The following STAB1 variants were observed in gnomAD, a reference collection of about 807,000 sequenced individuals.
STAB1 encodes the protein stabilin-1.
A neutral mutation model predicts 332.4 loss-of-function variants in STAB1; 250 were observed. That is an observed-to-expected ratio of 0.75 (90% confidence interval 0.68 to 0.84). STAB1 has a LOEUF of 0.84. Among genes scored for constraint, STAB1 ranks in the 40% least tolerant of loss-of-function variants. STAB1 has a pLI of 0.00. For missense variants in STAB1, 3,249 were observed against 3,489.7 expected (o/e 0.93, Z 1.74); for synonymous variants, 1,475 against 1,390.4 (o/e 1.06, Z -1.35).
In STAB1 at chr3:52,505,348, C is replaced by T. The variant is rs563295438; in HGVS notation, c.1548C>T (p.Thr516=). 2.5e-5 allele frequency: 40 copies of T among 1,613,532 alleles called. No homozygotes were observed. Among genetic ancestry groups the T allele is most frequent in the South Asian group, 2.2e-4 (20 of 91,082 alleles). ...CTATCGGACAGATCCTCGCCTCTAC[C>T]GAGGCCTTCAGCCGCTTTGAAACCA... ...KRTIGQILAS[T]EAFSRFETIL... Residue 516 remains threonine (T), a synonymous_variant, in exon 14 of 69, where the codon ACC becomes ACT. Coordinates refer to ENST00000321725, the MANE Select transcript of STAB1 (RefSeq NM_015136.3).
Position 52,512,381 on chromosome 3 carries a change from C to T in STAB1, c.2924C>T (p.Thr975Met), listed in dbSNP as rs781481796. 5.6e-6 allele frequency: 9 copies of T among 1,611,438 alleles called. No individual in the cohort carries two copies. Among genetic ancestry groups the T allele is most frequent in the East Asian group, 4.5e-5 (2 of 44,882 alleles). Residue 975 changes from threonine to methionine, a missense_variant, in exon 27 of 69, where the codon ACG becomes ATG. Coordinates refer to ENST00000321725, the MANE Select transcript of STAB1 (RefSeq NM_015136.3). ...RAVGGGQRVC[T>M]CPPGFGGDGF... Reference sequence around the variant, plus strand: ...GTGGGGGGAGGTCAGCGGGTCTGCACGTGCCCCCCTGGCTTTGGGGGTGAT... The same window carrying T: ...GTGGGGGGAGGTCAGCGGGTCTGCATGTGCCCCCCTGGCTTTGGGGGTGAT...
In STAB1 at chr3:52,505,010, CCTA is replaced by C; in HGVS notation, c.1387_1389del (p.Tyr463del). ...CCTCTTGTGTCTCACCAGAAATACT[CCTA>C]CAAGTACAAAGACCAGCCCCAGCAG... On this transcript the variant is annotated inframe_deletion, in exon 13 of 69. Transcript: ENST00000321725. The C allele has an allele frequency of 1.9e-6, 3 of 1,613,748 alleles. No individual in the cohort carries two copies. Among genetic ancestry groups the C allele is most frequent in the Non-Finnish European group, 2.5e-6 (3 of 1,179,958 alleles).
chr3:52,519,000 T>G (rs1464889358), intron 48 of STAB1, 131 bp downstream of exon 48: 1 of 1,202,208 alleles, frequency 8.3e-7, no homozygotes, highest in Non-Finnish European at 1.1e-6. Flanking sequence ...TCCTGCTGAG[T>G]CCAGCCCGGG....
chr3:52,518,711 A>T lies in STAB1; in HGVS notation c.4888-12A>T. 1 of 1,611,574 alleles carries T rather than the reference A, an allele frequency of 6.2e-7. No homozygotes were observed. Among genetic ancestry groups the T allele is most frequent in the Non-Finnish European group, 8.5e-7 (1 of 1,179,330 alleles). On this transcript the variant is annotated splice_polypyrimidine_tract_variant and intron_variant, in intron 47 of 68. Coordinates refer to ENST00000321725, the MANE Select transcript of STAB1 (RefSeq NM_015136.3). Reference sequence around the variant, plus strand: ...AGTCAGGGACCCCACTCCCCTCGCGACTCTGCTCCAGGATGAGCTGGCCCG... The same window carrying T: ...AGTCAGGGACCCCACTCCCCTCGCGTCTCTGCTCCAGGATGAGCTGGCCCG...
In STAB1 at chr3:52,505,018, T is replaced by C; in HGVS notation, c.1393T>C (p.Tyr465His). 6.2e-7 allele frequency: 1 copy of C among 1,613,702 alleles called. No individual in the cohort carries two copies. Among genetic ancestry groups the C allele is most frequent in the African/African-American group, 1.3e-5 (1 of 74,982 alleles). Residue 465 changes from tyrosine to histidine, a missense_variant, in exon 13 of 69, where the codon TAC becomes CAC. Coordinates refer to ENST00000321725, the MANE Select transcript of STAB1 (RefSeq NM_015136.3). ...FNQFTKYSYK[Y>H]KDQPQQTFNI... ...GTCTCACCAGAAATACTCCTACAAG[T>C]ACAAAGACCAGCCCCAGCAGACGTT...
In STAB1 at chr3:52,514,162, C is replaced by A. The variant is rs1433450338; in HGVS notation, c.3495C>A (p.Ile1165=). Reference sequence around the variant, plus strand: ...TTGAGGCTGCCACTGCCTACACCATCTTTGTGCCCACCAACCGCTCCCTGG... The same window carrying A: ...TTGAGGCTGCCACTGCCTACACCATATTTGTGCCCACCAACCGCTCCCTGG... ...PQIEAATAYT[I]FVPTNRSLEA... is the part of the protein sequence containing the mutation. The change falls in exon 33 of 69, where the codon ATC becomes ATA. Residue 1165 remains isoleucine, a synonymous_variant. Coordinates refer to ENST00000321725, the MANE Select transcript of STAB1 (RefSeq NM_015136.3). 1 of 1,613,454 alleles carries A rather than the reference C, an allele frequency of 6.2e-7. No individual in the cohort carries two copies. Among genetic ancestry groups the A allele is most frequent in the East Asian group, 2.2e-5 (1 of 44,882 alleles).
intron 19 of STAB1, 86 bp from the exon 20 acceptor site, chr3:52,507,845 G>T: frequency 6.8e-7 from 1 of 1,470,132 alleles, no homozygotes; most frequent in South Asian, 1.2e-5. Flanking sequence ...GACCCAGGGG[G>T]CAGAGGTCCC....
In STAB1 at chr3:52,505,348, C is replaced by G. The variant is rs563295438; in HGVS notation, c.1548C>G (p.Thr516=). The G allele has an allele frequency of 1.3e-5, 21 of 1,613,652 alleles. No individual in the cohort carries two copies. In the African/African-American group the frequency reaches 2.0e-4, roughly 15 times the overall value. Residue 516 remains threonine (T), a synonymous_variant, in exon 14 of 69, where the codon ACC becomes ACG. Transcript: ENST00000321725. ...CTATCGGACAGATCCTCGCCTCTAC[C>G]GAGGCCTTCAGCCGCTTTGAAACCA... ...KRTIGQILAS[T]EAFSRFETIL... is the part of the protein sequence containing the mutation.
In STAB1 at chr3:52,513,116, C is replaced by A; in HGVS notation, c.3159-14C>A. 2 of 1,558,256 alleles carry A rather than the reference C, an allele frequency of 1.3e-6. No individual in the cohort carries two copies. The highest frequency in any genetic ancestry group is 1.7e-6 in the Non-Finnish European group (2 of 1,150,782). On this transcript the variant is annotated splice_polypyrimidine_tract_variant and intron_variant, in intron 29 of 68. Coordinates refer to ENST00000321725, the MANE Select transcript of STAB1 (RefSeq NM_015136.3). ...AACCTGATTCCATGACCCCCCTAAA[C>A]TGTGCCCTGTCAGGGCCCATTTTCT...
rs772697863 is a variant in STAB1, at chr3:52,504,724, G to A, written c.1240-15G>A. Reference sequence around the variant, plus strand: ...GGCCCCCCGGCTCACTTTGCTCCCCGCCTTGCGTCTGCAGGCATCCCTTGC... The same window carrying A: ...GGCCCCCCGGCTCACTTTGCTCCCCACCTTGCGTCTGCAGGCATCCCTTGC... On this transcript the variant is annotated splice_polypyrimidine_tract_variant and intron_variant, in intron 11 of 68. Transcript: ENST00000321725. The A allele has an allele frequency of 7.4e-6, 12 of 1,613,586 alleles. No individual in the cohort carries two copies. The highest frequency in any genetic ancestry group is 1.7e-5 in the Admixed American group (1 of 60,026).
At chr3:52,496,399 A>G (rs1284209462) in intron 1 of STAB1, among the ~76,000 whole-genome samples, 1 of 152,238 alleles carries the variant, frequency 6.6e-6, no homozygotes, top group African/African-American at 2.4e-5. Flanking sequence ...AGATGGCCAG[A>G]CTAAAGTCCA....
intron 2 of STAB1, 139 bp downstream of exon 2, chr3:52,501,441 A>G: frequency 7.3e-7 from 1 of 1,366,346 alleles, no homozygotes; most frequent in Non-Finnish European, 1.0e-6. Flanking sequence ...GGTGGTGGAG[A>G]TAGGCGGGGA....
Position 52,523,644 on chromosome 3 carries a change from C to T in STAB1, c.7291-8C>T. On this transcript the variant is annotated splice_polypyrimidine_tract_variant and splice_region_variant and intron_variant, in intron 65 of 68. Coordinates refer to ENST00000321725, the MANE Select transcript of STAB1 (RefSeq NM_015136.3). ...CTCACAGTGGGCCTGACTCTGGTCT[C>T]CCTGCAGGCCCCAGGGACAGTTGTG... is the stretch of plus-strand genomic sequence containing the variant. The T allele has an allele frequency of 6.2e-7, 1 of 1,612,930 alleles. No individual in the cohort carries two copies. The highest frequency in any genetic ancestry group is 8.5e-7 in the Non-Finnish European group (1 of 1,180,016).
In STAB1 at chr3:52,514,488, A is replaced by C; in HGVS notation, c.3670A>C (p.Ser1224Arg). Residue 1224 changes from serine (S) to arginine (R), a missense_variant, in exon 34 of 69, where the codon AGT becomes CGT. Coordinates refer to ENST00000321725, the MANE Select transcript of STAB1 (RefSeq NM_015136.3). ...CCACTGGATCGTCTTCTACAACCAC[A>C]GTGGCCAGGTTTGGGGGTCAGGGAG... ...PAHWIVFYNHSGQPEVNHVPL... is the reference protein window; with the variant it reads ...PAHWIVFYNHRGQPEVNHVPL... 2 of 1,525,376 alleles carry C rather than the reference A, an allele frequency of 1.3e-6. No individual in the cohort carries two copies. Among genetic ancestry groups the C allele is most frequent in the Non-Finnish European group, 1.8e-6 (2 of 1,137,104 alleles). The allele number at this position is 1,525,376 out of a possible 1,614,324, so 94.5% of individuals were successfully genotyped here.
rs1437396119 is a variant in STAB1, at chr3:52,518,819, G to C, written c.4984G>C (p.Gly1662Arg). 1 of 1,610,410 alleles carries C rather than the reference G, an allele frequency of 6.2e-7. No individual in the cohort carries two copies. Among genetic ancestry groups the C allele is most frequent in the East Asian group, 2.2e-5 (1 of 44,856 alleles). ...GCGGAGCGAGGACCTGCTGGAGCAG[G>C]GGTACGCCACGGCCCTCTCAGGGCA... Reference protein sequence around the residue: ...RLRSEDLLEQGYATALSGHPL... With the variant: ...RLRSEDLLEQRYATALSGHPL... Residue 1662 changes from glycine to arginine, a missense_variant, in exon 48 of 69, where the codon GGG (glycine) becomes CGG (arginine). By Grantham distance (125) the Gly-to-Arg change is moderately radical. Transcript: ENST00000321725.
At position 52,520,274 on chromosome 3, in the gene STAB1, G is replaced by A. The variant is rs2153234088; in HGVS notation, c.5483G>A (p.Cys1828Tyr). The change falls in exon 52 of 69, where the codon TGC becomes TAC. Residue 1828 changes from cysteine (C) to tyrosine (Y), a missense_variant. Cys to Tyr is a radical substitution (Grantham distance 194). Coordinates refer to ENST00000321725, the MANE Select transcript of STAB1 (RefSeq NM_015136.3). ...TMHGTPISFS[C>Y]SRTRAGELMV... ...CATGGGACCCCCATCTCTTTCTCCT[G>A]CAGCCGAACGCGGGCCGTGAGTCTG... 6.2e-7 allele frequency: 1 copy of A among 1,613,110 alleles called. No homozygotes were observed. Among genetic ancestry groups the A allele is most frequent in the East Asian group, 2.2e-5 (1 of 44,888 alleles).
At chr3:52,519,612 A>C (rs186689880) in intron 50 of STAB1, 48 bp downstream of exon 50, 6 of 370,880 alleles carry the variant, frequency 1.6e-5, no homozygotes, top group Admixed American at 1.1e-4. Context: ...ATGCACGTGT[A>C]AGTGTGTGCA....
chr3:52,502,046 G>T lies in STAB1; in HGVS notation c.372G>T (p.Gly124=), dbSNP rs772884237. The change falls in exon 4 of 69, where the codon GGG becomes GGT. Residue 124 remains glycine (G), a synonymous_variant. Transcript: ENST00000321725. ...CTGAGACCCCATGCAATGGCCACGGGACCTGCTTGGATGGCATGGACAGGA... is the reference window on the plus strand; with the variant it reads ...CTGAGACCCCATGCAATGGCCACGGTACCTGCTTGGATGGCATGGACAGGA... ...GGAETPCNGH[G]TCLDGMDRNG... The T allele has an allele frequency of 2.5e-6, 4 of 1,613,340 alleles. No homozygotes were observed. In the Admixed American group the frequency reaches 6.7e-5, roughly 27 times the overall value.
At chr3:52,509,841 GT>G (rs1426287632) in intron 22 of STAB1, 28 bp from the exon 23 acceptor site, 1 of 1,611,906 alleles carries the variant, frequency 6.2e-7, no homozygotes, top group African/African-American at 1.3e-5. Flanking sequence ...CTGCTTCTCA[GT>G]TTCCTTGCTC....
Sources: gnomAD v4.1 joint callset for allele counts (sites outside exome capture counted in the v4.1 genomes callset) on GRCh38, gnomAD v4.1.1 for gene constraint, MANE v1.5 for transcripts, NCBI Gene and HGNC (gene_info 2026-07-23, HGNC 2026-07-21) for gene names.